OPN5: variants seen among roughly 807,000 people sequenced by gnomAD.
OPN5 encodes the protein opsin 5.
OPN5 carries 18 observed loss-of-function variants against 41.7 expected under a neutral mutation model. The ratio of observed to expected loss-of-function variants is 0.43; its 90% CI spans 0.30 to 0.64. The LOEUF is 0.64. Among genes scored for constraint, OPN5 ranks in the 30% least tolerant of loss-of-function variants. OPN5 has a pLI of 0.13. For synonymous variants in OPN5, 178 were observed against 164.3 expected (o/e 1.08, Z -0.64); for missense variants, 318 against 434.5 (o/e 0.73, Z 2.38).
At position 47,783,202 on chromosome 6, in the gene OPN5, TATTTAA is replaced by T. The variant is rs1773124328; in HGVS notation, c.130+1013_130+1018del. Among the ~76,000 whole-genome samples, 9 of 152,292 alleles carry T rather than the reference TATTTAA, an allele frequency of 5.9e-5. No homozygotes were observed. The South Asian group carries it at 1.9e-3, about 32-fold the overall frequency. Reference sequence around the variant, plus strand: ...ACAGTTAGGATTTAATTTAACCACCTATTTAAATTTAAGAAAAGAAACCATACTTTT... The same window carrying T: ...ACAGTTAGGATTTAATTTAACCACCTATTTAAGAAAAGAAACCATACTTTT... On this transcript the variant is annotated intron_variant, in intron 1 of 6. Coordinates refer to ENST00000371211, the Ensembl canonical transcript of OPN5.
chr6:47,808,337 G>A (rs749515999), exon 5 of OPN5: 3 of 1,613,968 alleles, frequency 1.9e-6, no homozygotes, highest in South Asian at 2.2e-5. Flanking sequence ...TTACAAATTT[G>A]CCTGTTGCCA....
chr6:47,808,357 T>C, exon 5 of OPN5: 1 of 1,614,090 alleles, frequency 6.2e-7, no homozygotes. Flanking sequence ...AAACTGGTGG[T>C]TTGAAAGCAA....
chr6:47,817,887 C>T (rs1026747967), intron 6 of OPN5, among the ~76,000 whole-genome samples: 6 of 152,078 alleles, frequency 3.9e-5, no homozygotes, highest in Non-Finnish European at 7.4e-5. Context: ...ATGGCATCAG[C>T]TATCTTGTGG....
intron 5 of OPN5, among the ~76,000 whole-genome samples, chr6:47,809,674 A>G (rs558693028): frequency 3.3e-5 from 5 of 152,362 alleles, no homozygotes; most frequent in African/African-American, 1.2e-4. Context: ...TGATGTGTGA[A>G]AAGATCTAAG....
At chr6:47,824,200 A>C (rs900532047) in exon 7 of OPN5, 1 of 585,310 alleles carries the variant, frequency 1.7e-6, no homozygotes, top group African/African-American at 1.9e-5. Flanking sequence ...ATTCTGGTAT[A>C]GTGGCAGAGT....
chr6:47,799,128 A>T (rs563090996), intron 4 of OPN5, among the ~76,000 whole-genome samples: 8 of 151,980 alleles, frequency 5.3e-5, no homozygotes, highest in Non-Finnish European at 7.4e-5. Flanking sequence ...ATTAATTTTT[A>T]AAAATGATGG....
At chr6:47,815,222 C>T (rs73473751) in intron 6 of OPN5, among the ~76,000 whole-genome samples, 18,756 of 152,082 alleles carry the variant, frequency 0.12, 1,308 homozygotes, top group Middle Eastern at 0.16. Flanking sequence ...TTCAGGTTTG[C>T]ACCCCTGAAA....
chr6:47,810,386 G>T (rs1352641878), intron 5 of OPN5, among the ~76,000 whole-genome samples: 4 of 152,148 alleles, frequency 2.6e-5, no homozygotes, highest in Non-Finnish European at 4.4e-5. Flanking sequence ...TCTTTACAAA[G>T]AAGCCAAAAA....
At chr6:47,785,228 TCA>T (rs1469940565) in intron 1 of OPN5, among the ~76,000 whole-genome samples, 1 of 152,234 alleles carries the variant, frequency 6.6e-6, no homozygotes. Context: ...AGCCACGTTT[TCA>T]CATTTTGCTT....
chr6:47,817,178 A>C (rs1425140406), intron 6 of OPN5, among the ~76,000 whole-genome samples: 1 of 152,072 alleles, frequency 6.6e-6, no homozygotes, highest in Non-Finnish European at 1.5e-5. Context: ...GGGAGTCATC[A>C]TGGAGACATA....
chr6:47,823,279 T>A lies in OPN5; in HGVS notation c.1057-704T>A, dbSNP rs773121203. 3 of 152,134 alleles carry A rather than the reference T, an allele frequency of 2.0e-5. No individual in the cohort carries two copies. In the East Asian group the frequency reaches 5.8e-4, roughly 29 times the overall value. The allele number at this position is 152,134 out of a possible 1,614,324, so 9.4% of individuals were successfully genotyped here. A position where few individuals can be genotyped will look rare whatever the true frequency, so the allele number is the denominator to read the frequency against. ...GCAAAAGCTTAAAGAACAGATTAAG[T>A]TTTCAGGCATAGAAGGAGGTGGAGT... On this transcript the variant is annotated intron_variant, in intron 6 of 6. Coordinates refer to ENST00000371211, the Ensembl canonical transcript of OPN5.
intron 4 of OPN5, among the ~76,000 whole-genome samples, chr6:47,799,663 T>G (rs1218715608): frequency 6.6e-6 from 1 of 152,202 alleles, no homozygotes; most frequent in African/African-American, 2.4e-5. Context: ...CCCTGGGAAG[T>G]GAGGCACATG....
At chr6:47,822,312 T>G (rs553165401) in intron 6 of OPN5, among the ~76,000 whole-genome samples, 1 of 152,042 alleles carries the variant, frequency 6.6e-6, no homozygotes, top group Non-Finnish European at 1.5e-5. Flanking sequence ...GAAATAAACA[T>G]GGACAAGAGT....
At chr6:47,818,060 A>C (rs957912019) in intron 6 of OPN5, among the ~76,000 whole-genome samples, 11 of 152,198 alleles carry the variant, frequency 7.2e-5, no homozygotes, top group Non-Finnish European at 1.3e-4. Context: ...TTGTTCAGAA[A>C]GAAGGGTATT....
rs1445976536 is a variant in OPN5, at chr6:47,787,199, A to C, written c.250+565A>C. On this transcript the variant is annotated intron_variant, in intron 2 of 6. Transcript: ENST00000371211. ...GTTCAGTGGTCCTCAAATGCAACTCACAAAATATCATCTGGGGAAGTTCTG... is the reference window on the plus strand; with the variant it reads ...GTTCAGTGGTCCTCAAATGCAACTCCCAAAATATCATCTGGGGAAGTTCTG... 4.1e-6 allele frequency: 4 copies of C among 977,022 alleles called. No homozygotes were observed. In the East Asian group the frequency reaches 4.6e-4, roughly 111 times the overall value. The allele number at this position is 977,022 out of a possible 1,614,324, so 60.5% of individuals were successfully genotyped here. A position where few individuals can be genotyped will look rare whatever the true frequency, so the allele number is the denominator to read the frequency against.
rs1203861304 is a variant in OPN5 at position 47,792,981 on chromosome 6, C to CA, written c.421+1009_421+1010insA. Among the ~76,000 whole-genome samples the CA allele has an allele frequency of 5.0e-4, 28 of 56,340 alleles. No homozygotes were observed. The South Asian group carries it at 5.4e-3, about 11-fold the overall frequency. 37.0% of individuals were successfully genotyped at this position (56,340 alleles called of 152,430 possible). On this transcript the variant is annotated intron_variant, in intron 3 of 6. Transcript: ENST00000371211. ...CCATTCTCTTCATCATCCAGCACTA[C>CA]GTTTTTTTTTTTTTTTTTAAAGTTT... is the stretch of plus-strand genomic sequence containing the variant.
chr6:47,810,597 C>T (rs1205817801), intron 5 of OPN5, among the ~76,000 whole-genome samples: 1 of 152,110 alleles, frequency 6.6e-6, no homozygotes, highest in Non-Finnish European at 1.5e-5. Flanking sequence ...GGGACACCCT[C>T]TTGGGAAATA....
At chr6:47,822,585 G>A (rs925579300) in intron 6 of OPN5, among the ~76,000 whole-genome samples, 1 of 152,170 alleles carries the variant, frequency 6.6e-6, no homozygotes. Flanking sequence ...GGCACATCCA[G>A]AGTAGTTGGT....
At chr6:47,799,585 A>G (rs1237790021) in intron 4 of OPN5, among the ~76,000 whole-genome samples, 1 of 152,162 alleles carries the variant, frequency 6.6e-6, no homozygotes, top group Non-Finnish European at 1.5e-5. Context: ...TAGGCTCATC[A>G]GCACTGTAAG....
Sources: allele counts gnomAD v4.1 joint callset (sites outside exome capture counted in the v4.1 genomes callset), GRCh38; gene constraint gnomAD v4.1.1; transcripts MANE v1.5; gene names NCBI Gene and HGNC (gene_info 2026-07-23, HGNC 2026-07-21).